Variants in CMIP observed in about 807,000 individuals in gnomAD.
CMIP encodes C-Maf-inducing protein.
A neutral mutation model predicts 97.3 loss-of-function variants in CMIP; 13 were observed. The observed-to-expected ratio is 0.13, with a 90% CI of 0.09 to 0.21. CMIP has a LOEUF of 0.21. CMIP is among the 10% of genes least tolerant of loss of function. CMIP has a pLI of 1.00. For missense variants in CMIP, 847 were observed against 1,024.9 expected (o/e 0.83, Z 2.37); for synonymous variants, 538 against 436.3 (o/e 1.23, Z -2.91).
intron 13 of CMIP, chr16:81,695,565 G>A (rs1184491652): frequency 2.0e-5 from 3 of 152,226 alleles, no homozygotes; most frequent in African/African-American, 4.8e-5. Flanking sequence ...ACAGGAGGAG[G>A]TGGGGAAAAG....
At chr16:81,564,042 CCTT>C (rs1392441627) in intron 1 of CMIP, among the ~76,000 whole-genome samples, 1 of 152,256 alleles carries the variant, frequency 6.6e-6, no homozygotes, top group Non-Finnish European at 1.5e-5. Flanking sequence ...TTCGTCCTCT[CCTT>C]CTACCTAGCA....
In CMIP at chr16:81,507,243, G is replaced by A. The variant is rs1259232041; in HGVS notation, c.300+61702G>A. Among the ~76,000 whole-genome samples, 5 of 152,222 alleles carry A rather than the reference G, an allele frequency of 3.3e-5. No individual in the cohort carries two copies. The East Asian group carries it at 9.6e-4, about 29-fold the overall frequency. ...CACTCCAGCCTGGGTGACAGAGCTA[G>A]ACTCTGTCTTAAAAAAGAAAGGAAG... On this transcript the variant is annotated intron_variant, in intron 1 of 20. Coordinates refer to ENST00000537098, the MANE Select transcript of CMIP (RefSeq NM_198390.3).
At chr16:81,611,758 C>G (rs1335800951) in intron 2 of CMIP, among the ~76,000 whole-genome samples, 1 of 152,198 alleles carries the variant, frequency 6.6e-6, no homozygotes, top group Non-Finnish European at 1.5e-5. Flanking sequence ...CTAAGGAGCT[C>G]TTTGTAAAAC....
chr16:81,504,723 C>T (rs1005992451), intron 1 of CMIP, among the ~76,000 whole-genome samples: 2 of 151,706 alleles, frequency 1.3e-5, no homozygotes, highest in African/African-American at 2.4e-5. Context: ...TGTGTGTGCT[C>T]CACGGTCTGT....
chr16:81,525,006 G>A (rs1330423178), intron 1 of CMIP, among the ~76,000 whole-genome samples: 1 of 152,094 alleles, frequency 6.6e-6, no homozygotes, highest in Non-Finnish European at 1.5e-5. Flanking sequence ...ATGTTGGACA[G>A]GCTGTTCTCA....
chr16:81,693,349 G>A lies in CMIP; in HGVS notation c.1482-90G>A, dbSNP rs565983576. On this transcript the variant is annotated intron_variant, in intron 12 of 20. Coordinates refer to ENST00000537098, the MANE Select transcript of CMIP (RefSeq NM_198390.3). ...ACCGCCTTGCCCAGCTCCCTGGCCC[G>A]TTCTTCCTTGACACCATCCCCTCCC... 1.2e-5 allele frequency: 18 copies of A among 1,537,966 alleles called. No homozygotes were observed. The South Asian group carries it at 1.5e-4, about 13-fold the overall frequency.
chr16:81,537,304 G>C (rs1167411194), intron 1 of CMIP, among the ~76,000 whole-genome samples: 1 of 151,864 alleles, frequency 6.6e-6, no homozygotes, highest in Non-Finnish European at 1.5e-5. Context: ...GGAGGCCGAG[G>C]TGGGCGGATC....
chr16:81,682,547 AAGAG>A (rs1904975486), intron 10 of CMIP, among the ~76,000 whole-genome samples: 1 of 152,140 alleles, frequency 6.6e-6, no homozygotes, highest in Non-Finnish European at 1.5e-5. Context: ...CCTGGGCAAC[AAGAG>A]CGAGACTCCC....
At chr16:81,610,899 C>T (rs775997612) in intron 2 of CMIP, among the ~76,000 whole-genome samples, 24 of 152,240 alleles carry the variant, frequency 1.6e-4, no homozygotes, top group Admixed American at 3.9e-4. Flanking sequence ...ATCCCAGAGC[C>T]GTGGTGTCAC....
intron 1 of CMIP, among the ~76,000 whole-genome samples, chr16:81,479,037 A>G (rs961832663): frequency 6.6e-6 from 1 of 152,092 alleles, no homozygotes; most frequent in East Asian, 1.9e-4. Flanking sequence ...GTCCTCAGGC[A>G]CTCGAGTGGG....
chr16:81,669,827 C>A (rs1320729812), intron 7 of CMIP, among the ~76,000 whole-genome samples: 1 of 152,238 alleles, frequency 6.6e-6, no homozygotes, highest in East Asian at 1.9e-4. Context: ...TCTCTTGTCC[C>A]CCCAGCCTTT....
chr16:81,448,706 G>A (rs769866998), intron 1 of CMIP, among the ~76,000 whole-genome samples: 27 of 152,258 alleles, frequency 1.8e-4, no homozygotes, highest in Non-Finnish European at 1.5e-4. Flanking sequence ...CCTGTGCTTG[G>A]AGACTTTGGA....
intron 3 of CMIP, among the ~76,000 whole-genome samples, chr16:81,647,965 G>A (rs1211696733): frequency 5.5e-5 from 2 of 36,500 alleles, no homozygotes; most frequent in South Asian, 1.4e-3. Flanking sequence ...CCGCAGAGCC[G>A]TAGCCCACCC....
chr16:81,592,468 G>A (rs1196926422), intron 1 of CMIP, among the ~76,000 whole-genome samples: 3 of 152,198 alleles, frequency 2.0e-5, no homozygotes, highest in Non-Finnish European at 4.4e-5. Context: ...GTGTTCCAGG[G>A]TGCCCCTCCC....
intron 7 of CMIP, among the ~76,000 whole-genome samples, chr16:81,669,708 TCCCATACCCAC>T (rs993723859): frequency 1.1e-5 from 1 of 87,566 alleles, no homozygotes; most frequent in Admixed American, 1.1e-4. Context: ...ATTCACCTCC[TCCCATACCCAC>T]CTCACACTCA....
At chr16:81,466,649 CATGCTTTTGAA>C (rs1488779514) in intron 1 of CMIP, among the ~76,000 whole-genome samples, 1 of 152,200 alleles carries the variant, frequency 6.6e-6, no homozygotes, top group Non-Finnish European at 1.5e-5. Context: ...CTGATGGCTA[CATGCTTTTGAA>C]ATTACAAAAC....
chr16:81,445,374 C>T lies in CMIP; in HGVS notation c.133C>T (p.Leu45=). The T allele has an allele frequency of 6.2e-7, 1 of 1,605,660 alleles. No individual in the cohort carries two copies. Among genetic ancestry groups the T allele is most frequent in the Non-Finnish European group, 8.5e-7 (1 of 1,176,368 alleles). The stretch of plus-strand genomic sequence containing the variant: ...CGCCGTGCCCTGCCGCCGGGCTCTT[C>T]TGCTTTGCAACGGGATGAGGTACAA... ...MGAVPCRRAL[L]LCNGMRYKLL... is the part of the protein sequence containing the mutation. The change falls in exon 1 of 21, where the codon CTG becomes TTG. Residue 45 remains leucine (L), a synonymous_variant. Coordinates refer to ENST00000537098, the MANE Select transcript of CMIP (RefSeq NM_198390.3).
chr16:81,524,381 A>T (rs1306725323), intron 1 of CMIP, among the ~76,000 whole-genome samples: 2 of 152,264 alleles, frequency 1.3e-5, no homozygotes, highest in African/African-American at 4.8e-5. Flanking sequence ...GAGAATTATA[A>T]GTCTGAGTTC....
chr16:81,705,388 G>A, intron 18 of CMIP, 111 bp from the exon 19 acceptor site: 1 of 735,518 alleles, frequency 1.4e-6, no homozygotes, highest in East Asian at 2.8e-5. Context: ...GTGGGCCATG[G>A]GCCTCAGAGC....
Sources: gnomAD v4.1 joint callset for allele counts (sites outside exome capture counted in the v4.1 genomes callset) on GRCh38, gnomAD v4.1.1 for gene constraint, MANE v1.5 for transcripts, NCBI Gene and HGNC (gene_info 2026-07-23, HGNC 2026-07-21) for gene names.